The following P3H1 variants were observed in gnomAD, a reference collection of about 807,000 sequenced individuals.
The protein encoded by P3H1 is prolyl 3-hydroxylase 1.
P3H1 carries 69 observed loss-of-function variants against 84.0 expected under a neutral mutation model. The ratio of observed to expected loss-of-function variants is 0.82; its 90% CI spans 0.68 to 1.00. The LOEUF is 1.00. Among genes scored for constraint, P3H1 ranks in the 50% least tolerant of loss-of-function variants. The pLI, the probability that P3H1 is intolerant of heterozygous loss-of-function variation, is 0.00. For missense variants in P3H1, 878 were observed against 962.8 expected (o/e 0.91, Z 1.17); for synonymous variants, 366 against 388.8 (o/e 0.94, Z 0.69).
Position 42,746,393 on chromosome 1 carries a change from T to G in P3H1, c.*304A>C. ...ACCAAGTAAAAAAAACCATGAATCA[T>G]TTATTCTTTGGTTGTCTACACAGAC... On this transcript the variant is annotated 3_prime_UTR_variant, in exon 15 of 15. Transcript: ENST00000296388. 3 of 355,526 alleles carry G rather than the reference T, an allele frequency of 8.4e-6. No homozygotes were observed. The highest frequency in any genetic ancestry group is 5.0e-5 in the East Asian group (1 of 19,882). The allele number at this position is 355,526 out of a possible 1,614,324, so 22.0% of individuals were successfully genotyped here.
In P3H1 at chr1:42,766,930, A is replaced by C; in HGVS notation, c.42T>G (p.Ala14=). 6.2e-7 allele frequency: 1 copy of C among 1,609,578 alleles called. No individual in the cohort carries two copies. The highest frequency in any genetic ancestry group is 8.5e-7 in the Non-Finnish European group (1 of 1,179,828). ...CGGCTTGGGAGGCAGCGGCCACGAC[A>C]GCCAGCAGTGTGGTCAGCAGCTTCA... ...RALKLLTTLL[A]VVAAASQAEV... The change falls in exon 1 of 15, where the codon GCT becomes GCG. Residue 14 remains alanine, a synonymous_variant. Coordinates refer to ENST00000296388, the MANE Select transcript of P3H1 (RefSeq NM_022356.4).
At chr1:42,750,490 C>T (rs1054474832) in intron 10 of P3H1, among the ~76,000 whole-genome samples, 154 bp from the exon 11 acceptor site, 6 of 152,202 alleles carry the variant, frequency 3.9e-5, no homozygotes, top group Admixed American at 6.5e-5. Context: ...GGATCTTTCC[C>T]GTGCTGTTCT....
At chr1:42,756,239 A>G (rs557655548) in intron 5 of P3H1, among the ~76,000 whole-genome samples, 1 of 152,058 alleles carries the variant, frequency 6.6e-6, no homozygotes, top group Non-Finnish European at 1.5e-5. Context: ...ATTTGGACAG[A>G]TAAAGCCGGG....
chr1:42,764,586 A>G (rs1438450849), intron 1 of P3H1, among the ~76,000 whole-genome samples: 2 of 152,142 alleles, frequency 1.3e-5, no homozygotes, highest in East Asian at 3.8e-4. Context: ...TTCTCTAGCT[A>G]TCTCCTAGCA....
At chr1:42,764,760 G>T (rs1310742162) in intron 1 of P3H1, among the ~76,000 whole-genome samples, 1 of 152,106 alleles carries the variant, frequency 6.6e-6, no homozygotes, top group Non-Finnish European at 1.5e-5. Context: ...CCCTGGTTAG[G>T]TGACCCAAGG....
chr1:42,749,781 T>C (rs1369320945), intron 11 of P3H1: 1 of 194,872 alleles, frequency 5.1e-6, no homozygotes, highest in East Asian at 1.2e-4. Flanking sequence ...GTTGTTATTA[T>C]TTTTGCTTTT....
chr1:42,747,362 A>T lies in P3H1; in HGVS notation c.1965T>A (p.Thr655=). The change falls in exon 14 of 15, where the codon ACT becomes ACA. Residue 655 remains threonine (T), a synonymous_variant. Transcript: ENST00000296388. ...CGRAVGFSSG[T]ENPHGVKAVT... Reference sequence around the variant, plus strand: ...CAGCCTTCACTCCATGTGGGTTTTCAGTGCCTGAAGAGAATCCCACGGCTC... The same window carrying T: ...CAGCCTTCACTCCATGTGGGTTTTCTGTGCCTGAAGAGAATCCCACGGCTC... 6.2e-7 allele frequency: 1 copy of T among 1,610,238 alleles called. No individual in the cohort carries two copies. The highest frequency in any genetic ancestry group is 8.5e-7 in the Non-Finnish European group (1 of 1,177,896).
rs531199813 is a variant in P3H1, at chr1:42,765,249, G to A, written c.465+1258C>T. On this transcript the variant is annotated intron_variant, in intron 1 of 14. Transcript: ENST00000296388. Reference sequence around the variant, plus strand: ...GTTCTACTTTTCTCTCTATCTGGAGGAGCCTTCTTTCCTCTCCCCCTGGCA... The same window carrying A: ...GTTCTACTTTTCTCTCTATCTGGAGAAGCCTTCTTTCCTCTCCCCCTGGCA... 3.3e-5 allele frequency among the ~76,000 whole-genome samples: 5 copies of A among 152,192 alleles called. No individual in the cohort carries two copies. The South Asian group carries it at 8.3e-4, about 25-fold the overall frequency.
rs1355808248 is a variant in P3H1 at position 42,754,405 on chromosome 1, G to T, written c.1345+464C>A. 2.0e-5 allele frequency among the ~76,000 whole-genome samples: 3 copies of T among 152,198 alleles called. No homozygotes were observed. The highest frequency in any genetic ancestry group is 7.2e-5 in the African/African-American group (3 of 41,456). Reference sequence around the variant, plus strand: ...TGAAGGCGTTGAGTCTCAGTAAAGGGACGAATGGTGAAAACCGGGAGAAAA... The same window carrying T: ...TGAAGGCGTTGAGTCTCAGTAAAGGTACGAATGGTGAAAACCGGGAGAAAA... On this transcript the variant is annotated intron_variant, in intron 8 of 14. Transcript: ENST00000296388. This position sits in a 1 kb window ranked among gnomAD's most constrained non-coding sequence, Gnocchi z 4.0.
Position 42,752,564 on chromosome 1 carries a change from C to G in P3H1, c.1446G>C (p.Glu482Asp), listed in dbSNP as rs1211741602. 6.2e-7 allele frequency: 1 copy of G among 1,614,152 alleles called. No homozygotes were observed. Among genetic ancestry groups the G allele is most frequent in the South Asian group, 1.1e-5 (1 of 91,080 alleles). Reference protein sequence around the residue: ...VVMDGVISDHECQELQRLTNV... With the variant: ...VVMDGVISDHDCQELQRLTNV... The stretch of plus-strand genomic sequence containing the variant: ...TGGTCAGTCTCTGCAGCTCCTGACA[C>G]TCGTGGTCAGAGATTACGCCGTCCA... Residue 482 changes from glutamate to aspartate, a missense_variant, in exon 9 of 15, where the codon GAG (glutamate) becomes GAC (aspartate). Glu to Asp is a conservative substitution (Grantham distance 45). Transcript: ENST00000296388.
At chr1:42,759,533 G>A (rs1652591592) in intron 2 of P3H1, 143 bp from the exon 3 acceptor site, 1 of 672,488 alleles carries the variant, frequency 1.5e-6, no homozygotes, top group Non-Finnish European at 2.6e-6. Flanking sequence ...ACTATAAAAT[G>A]AAGGCCTTTT....
Position 42,750,187 on chromosome 1 carries a change from T to G in P3H1, c.1719A>C (p.Glu573Asp), listed in dbSNP as rs150613743. 6.2e-7 allele frequency: 1 copy of G among 1,612,272 alleles called. No individual in the cohort carries two copies. The highest frequency in any genetic ancestry group is 8.5e-7 in the Non-Finnish European group (1 of 1,179,290). ...TGCTGCAGGGGTAATGAGGCCCACCTTCGATGGCAGTGCGGCACACCAGAT... is the reference window on the plus strand; with the variant it reads ...TGCTGCAGGGGTAATGAGGCCCACCGTCGATGGCAGTGCGGCACACCAGAT... ...YSHLVCRTAIEEVQAERKDDS... is the reference protein window; with the variant it reads ...YSHLVCRTAIDEVQAERKDDS... The change falls in exon 11 of 15, where the codon GAA (glutamate) becomes GAC (aspartate). Residue 573 changes from glutamate to aspartate, a missense_variant and splice_region_variant. Glu to Asp is a conservative substitution (Grantham distance 45). Transcript: ENST00000296388.
At position 42,759,363 on chromosome 1, in the gene P3H1, A is replaced by C. The variant is rs1378406205; in HGVS notation, c.646T>G (p.Tyr216Asp). ...MQEFRLGVRL[Y>D]SEEQPQEAVP... ...GCTTCCTGTGGCTGTTCCTCTGAGT[A>C]GAGTCGCACTCCCAGTCGAAATTCT... is the stretch of plus-strand genomic sequence containing the variant. Residue 216 changes from tyrosine to aspartate, a missense_variant, in exon 3 of 15, where the codon TAC becomes GAC. Transcript: ENST00000296388. 22 of 1,614,054 alleles carry C rather than the reference A, an allele frequency of 1.4e-5. No homozygotes were observed. In the East Asian group the frequency reaches 4.7e-4, roughly 34 times the overall value.
Position 42,754,050 on chromosome 1 carries a change from G to A in P3H1, c.1345+819C>T, listed in dbSNP as rs1353558669. ...ACTGGTGGGCAGTGGGCGGGCTCAC[G>A]GAACAAAGTGCAGTCCTGTGTGAAG... On this transcript the variant is annotated intron_variant, in intron 8 of 14. Transcript: ENST00000296388. This position sits in a 1 kb window ranked among gnomAD's most constrained non-coding sequence, Gnocchi z 4.0. Among the ~76,000 whole-genome samples, 3 of 152,210 alleles carry A rather than the reference G, an allele frequency of 2.0e-5. No homozygotes were observed. The highest frequency in any genetic ancestry group is 2.9e-5 in the Non-Finnish European group (2 of 68,046).
Position 42,752,278 on chromosome 1 carries a change from A to G in P3H1, c.1565T>C (p.Leu522Pro). 6.2e-7 allele frequency: 1 copy of G among 1,612,616 alleles called. No individual in the cohort carries two copies. The highest frequency in any genetic ancestry group is 1.6e-4 in the Middle Eastern group (1 of 6,062). ...KFYGVTVFKA[L>P]KLGQEGKVPL... ...AATGCCCAGTGTTGATCTTACCTTG[A>G]GGGCTTTGAAGACAGTGACACCATA... Residue 522 changes from leucine to proline, a missense_variant, in exon 10 of 15, where the codon CTC becomes CCC. Coordinates refer to ENST00000296388, the MANE Select transcript of P3H1 (RefSeq NM_022356.4).
At chr1:42,766,208 A>C (rs1652988162) in intron 1 of P3H1, among the ~76,000 whole-genome samples, 1 of 152,182 alleles carries the variant, frequency 6.6e-6, no homozygotes, top group South Asian at 2.1e-4. Flanking sequence ...GGAGACCCAA[A>C]CTGCCGCTTT....
chr1:42,748,104 T>A, intron 12 of P3H1, 96 bp downstream of exon 12: 1 of 871,742 alleles, frequency 1.1e-6, no homozygotes. Flanking sequence ...CCCCAACCAG[T>A]GTGTGTGTGC....
chr1:42,755,550 GA>G lies in P3H1; in HGVS notation c.1167del (p.Pro390ArgfsTer9). ...AYDVFGIPFV[D>X]PDSWTPEEVI... is the part of the protein sequence containing the mutation. ...CCGGCTCCTGTACCCTAGCTCACCG[GA>G]TCCACAAAGGGAATTCCAAAAACAT... On this transcript the variant is annotated frameshift_variant, in exon 6 of 15. Coordinates refer to ENST00000296388, the MANE Select transcript of P3H1 (RefSeq NM_022356.4). LOFTEE classifies it high-confidence loss of function. The G allele has an allele frequency of 6.2e-7, 1 of 1,613,072 alleles. No individual in the cohort carries two copies. The highest frequency in any genetic ancestry group is 8.5e-7 in the Non-Finnish European group (1 of 1,179,192).
Position 42,757,790 on chromosome 1 carries a change from G to A in P3H1, c.1073C>T (p.Pro358Leu). The stretch of plus-strand genomic sequence containing the variant: ...CAGAAGGAAGTCTCTCACCTCACGG[G>A]GGCCGATGGATCTGGTGTGTTCTTC... ...LGEEHTRSIG[P>L]RESAKEYRQR... is the part of the protein sequence containing the mutation. The change falls in exon 5 of 15, where the codon CCC (proline) becomes CTC (leucine). Residue 358 changes from proline to leucine, a missense_variant. Pro to Leu is a moderately conservative substitution (Grantham distance 98, BLOSUM62 -3). Coordinates refer to ENST00000296388, the MANE Select transcript of P3H1 (RefSeq NM_022356.4). 1 of 1,614,216 alleles carries A rather than the reference G, an allele frequency of 6.2e-7. No homozygotes were observed. The highest frequency in any genetic ancestry group is 8.5e-7 in the Non-Finnish European group (1 of 1,180,046).
Sources: gnomAD v4.1 joint callset for allele counts (sites outside exome capture counted in the v4.1 genomes callset) on GRCh38, gnomAD v4.1.1 for gene constraint, Gnocchi (gnomAD v3.1) non-coding constraint, MANE v1.5 for transcripts, NCBI Gene and HGNC (gene_info 2026-07-23, HGNC 2026-07-21) for gene names.